The following IL1RAPL1 variants were observed in gnomAD, a reference collection of about 807,000 sequenced individuals.
IL1RAPL1 encodes interleukin 1 receptor accessory protein like 1, also known as interleukin-1 receptor accessory protein-like 1.
IL1RAPL1 carries 3 observed loss-of-function variants against 48.4 expected under a neutral mutation model. The observed-to-expected ratio is 0.06, with a 90% confidence interval of 0.03 to 0.16. The LOEUF (loss-of-function observed/expected upper bound fraction) is 0.16. Ranked by LOEUF, IL1RAPL1 falls within the 10% of genes least tolerant of loss-of-function variation. The probability of loss-of-function intolerance (pLI) is 1.00; values close to 1 mark genes in which losing one functional copy is unlikely to be tolerated. For synonymous variants in IL1RAPL1, 185 were observed against 187.7 expected, an observed-to-expected ratio of 0.99 and a Z score of 0.12; for missense variants, 349 against 530.6, an observed-to-expected ratio of 0.66 and a Z score of 3.36.
At chrX:29,336,269 CATATATAT>C (rs57126796) in intron 3 of IL1RAPL1, among the ~76,000 whole-genome samples, 7 of 57,474 alleles carry the variant, frequency 1.2e-4, no homozygotes, top group Admixed American at 2.4e-4. Context: ...ATATATATGC[CATATATAT>C]ATATATATAT....
intron 6 of IL1RAPL1, among the ~76,000 whole-genome samples, chrX:29,700,916 G>T (rs1245785132): frequency 9.0e-6 from 1 of 111,724 alleles, no homozygotes; most frequent in Non-Finnish European, 1.9e-5. Flanking sequence ...TCCATGATTT[G>T]CCATAAATGT....
intron 6 of IL1RAPL1, among the ~76,000 whole-genome samples, chrX:29,847,543 A>C (rs1027521704): frequency 1.8e-5 from 2 of 112,285 alleles, no homozygotes; most frequent in Non-Finnish European, 3.8e-5. Flanking sequence ...AATATCACCA[A>C]TGTTATCAAA....
At chrX:29,021,526 A>G (rs1220537666) in intron 2 of IL1RAPL1, among the ~76,000 whole-genome samples, 1 of 111,678 alleles carries the variant, frequency 9.0e-6, no homozygotes, top group Non-Finnish European at 1.9e-5. Context: ...TGTATTTATT[A>G]TAAAAGATAT....
chrX:29,426,163 G>A (rs749628556), intron 5 of IL1RAPL1, among the ~76,000 whole-genome samples: 32 of 111,409 alleles, frequency 2.9e-4, no homozygotes, highest in African/African-American at 9.1e-4. Flanking sequence ...GTAAATAATT[G>A]AACTAAATTC....
At chrX:29,218,801 A>G (rs771198890) in intron 2 of IL1RAPL1, among the ~76,000 whole-genome samples, 1 of 112,360 alleles carries the variant, frequency 8.9e-6, no homozygotes, top group Admixed American at 9.5e-5. Context: ...ATGGCATCAG[A>G]CTATAAAATT....
At chrX:28,672,169 G>A (rs115125) in intron 1 of IL1RAPL1, among the ~76,000 whole-genome samples, 15 of 109,773 alleles carry the variant, frequency 1.4e-4, no homozygotes, top group African/African-American at 5.0e-4. Context: ...ATAATTGAAC[G>A]TTGCAAACCA....
intron 6 of IL1RAPL1, among the ~76,000 whole-genome samples, chrX:29,791,543 C>A (rs1258249924): frequency 1.9e-5 from 2 of 107,040 alleles, no homozygotes; most frequent in African/African-American, 6.8e-5. Context: ...CTGCCTCAGC[C>A]TCCCGAGGAG....
intron 3 of IL1RAPL1, among the ~76,000 whole-genome samples, chrX:29,301,983 C>T (rs1217205756): frequency 1.8e-5 from 2 of 111,340 alleles, no homozygotes; most frequent in Admixed American, 9.6e-5. Flanking sequence ...AACAGATACA[C>T]GTGGCTGGAG....
intron 2 of IL1RAPL1, among the ~76,000 whole-genome samples, chrX:28,945,503 G>A (rs1361380794): frequency 9.0e-6 from 1 of 110,815 alleles, no homozygotes; most frequent in Non-Finnish European, 1.9e-5. Context: ...CACAGGAACA[G>A]AAAGCCAAAT....
chrX:28,643,133 C>T (rs1312793528), intron 1 of IL1RAPL1, among the ~76,000 whole-genome samples: 2 of 111,475 alleles, frequency 1.8e-5, no homozygotes, highest in Non-Finnish European at 3.8e-5. Flanking sequence ...AGATGATCCG[C>T]CCGCCTTGGC....
chrX:29,664,057 T>C lies in IL1RAPL1; in HGVS notation c.704-4373T>C, dbSNP rs147030301. Among the ~76,000 whole-genome samples the C allele has an allele frequency of 7.5e-3, 839 of 111,948 alleles. 11 individuals carry two copies. The highest frequency in any genetic ancestry group is 0.026 in the African/African-American group (793 of 30,828). On this transcript the variant is annotated intron_variant, in intron 5 of 10. Coordinates refer to ENST00000378993, the MANE Select transcript of IL1RAPL1 (RefSeq NM_014271.4). ...GCAGAATCAGGAACTGTTAGACCTG[T>C]TTCCTTGAACACTAACTGTGTGAAA...
At chrX:29,139,565 T>C (rs1027858075) in intron 2 of IL1RAPL1, among the ~76,000 whole-genome samples, 13 of 111,057 alleles carry the variant, frequency 1.2e-4, no homozygotes, top group African/African-American at 3.6e-4. Flanking sequence ...TTAGTAAAAA[T>C]ACAATAATAT....
intron 2 of IL1RAPL1, among the ~76,000 whole-genome samples, chrX:28,929,307 A>C (rs1013897646): frequency 8.9e-6 from 1 of 112,072 alleles, no homozygotes; most frequent in Non-Finnish European, 1.9e-5. Context: ...ACAATATTAT[A>C]ACCTTATGCT....
chrX:29,832,886 A>G (rs953710720), intron 6 of IL1RAPL1, among the ~76,000 whole-genome samples: 3 of 110,010 alleles, frequency 2.7e-5, no homozygotes, highest in African/African-American at 3.3e-5. Context: ...CAAATTCACA[A>G]ATATTTGGTA....
chrX:29,468,293 G>T (rs765914220), intron 5 of IL1RAPL1, among the ~76,000 whole-genome samples: 1 of 112,623 alleles, frequency 8.9e-6, no homozygotes, highest in African/African-American at 3.2e-5. Flanking sequence ...TGAAGGAAGC[G>T]TATTTACTGC....
intron 2 of IL1RAPL1, among the ~76,000 whole-genome samples, chrX:28,833,542 T>C (rs1183926483): frequency 2.7e-5 from 3 of 111,878 alleles, no homozygotes; most frequent in African/African-American, 9.7e-5. Context: ...TGGTATCTCA[T>C]TGTGGTTTTG....
chrX:29,459,908 G>GC (rs1481842044), intron 5 of IL1RAPL1, among the ~76,000 whole-genome samples: 1 of 110,769 alleles, frequency 9.0e-6, no homozygotes, highest in Admixed American at 9.6e-5. Flanking sequence ...CCAACATATT[G>GC]CCCCCCACAG....
At chrX:28,743,111 G>T (rs140454050) in intron 1 of IL1RAPL1, among the ~76,000 whole-genome samples, 1 of 110,536 alleles carries the variant, frequency 9.0e-6, no homozygotes, top group Non-Finnish European at 1.9e-5. Flanking sequence ...TCAATTTGTC[G>T]TTCTCTTCTC....
chrX:28,780,247 C>T (rs912204851), intron 1 of IL1RAPL1, among the ~76,000 whole-genome samples: 3 of 109,341 alleles, frequency 2.7e-5, no homozygotes, highest in Non-Finnish European at 5.7e-5. Flanking sequence ...CAAATGTTTC[C>T]TTAAAGTAGT....
Sources: gnomAD v4.1 joint callset for allele counts (sites outside exome capture counted in the v4.1 genomes callset) on GRCh38, gnomAD v4.1.1 for gene constraint, MANE v1.5 for transcripts, NCBI Gene and HGNC (gene_info 2026-07-23, HGNC 2026-07-21) for gene names.